Variants in HAS3 observed in about 807,000 individuals in gnomAD.
HAS3 encodes hyaluronan synthase 3.
A neutral mutation model predicts 50.3 loss-of-function variants in HAS3; 27 were observed. The observed-to-expected ratio is 0.54, with a 90% CI of 0.40 to 0.74. HAS3 has a LOEUF of 0.74. HAS3 is among the 30% of genes least tolerant of loss of function. The probability of loss-of-function intolerance (pLI) is 0.00; values close to 1 mark genes in which losing one functional copy is unlikely to be tolerated. For missense variants in HAS3, 517 were observed against 742.8 expected (o/e 0.70, Z 3.53); for synonymous variants, 339 against 310.9 (o/e 1.09, Z -0.95).
Position 69,117,351 on chromosome 16 carries a change from G to C in HAS3, c.*2085G>C. 1 of 985,760 alleles carries C rather than the reference G, an allele frequency of 1.0e-6. No homozygotes were observed. The highest frequency in any genetic ancestry group is 1.2e-6 in the Non-Finnish European group (1 of 829,884). 61.1% of individuals were successfully genotyped at this position (985,760 alleles called of 1,614,324 possible). On this transcript the variant is annotated 3_prime_UTR_variant, in exon 4 of 4. Transcript: ENST00000569188. ...ACTTTCCTCAAATCAAAAACAGGCAGGTACAGGTAGTGGGCTCACAACGTT... is the reference window on the plus strand; with the variant it reads ...ACTTTCCTCAAATCAAAAACAGGCACGTACAGGTAGTGGGCTCACAACGTT...
At chr16:69,110,069 T>C (rs768301385) in intron 2 of HAS3, 38 bp downstream of exon 2, 3 of 1,562,612 alleles carry the variant, frequency 1.9e-6, no homozygotes, top group African/African-American at 1.3e-5. Flanking sequence ...TACATGGGGA[T>C]AAGTCTGGAC....
At position 69,109,632 on chromosome 16, in the gene HAS3, G is replaced by T; in HGVS notation, c.237G>T (p.Leu79=). ...GACGTGCCGGCCAGGCCCTGAAGCT[G>T]CCCTCCCCGCGGCGGGGCTCGGTGG... ...RMRRAGQALK[L]PSPRRGSVAL... Residue 79 remains leucine, a synonymous_variant, in exon 2 of 4, where the codon CTG becomes CTT. Transcript: ENST00000569188. This position sits in a 1 kb window ranked among gnomAD's most constrained non-coding sequence, Gnocchi z 5.3. 6.2e-7 allele frequency: 1 copy of T among 1,610,970 alleles called. No individual in the cohort carries two copies.
Position 69,107,332 on chromosome 16 carries a change from G to A in HAS3, c.-1+1545G>A. The A allele has an allele frequency of 2.0e-6, 2 of 983,524 alleles. No homozygotes were observed. Among genetic ancestry groups the A allele is most frequent in the Non-Finnish European group, 2.4e-6 (2 of 828,224 alleles). The allele number at this position is 983,524 out of a possible 1,614,324, so 60.9% of individuals were successfully genotyped here. A position where few individuals can be genotyped will look rare whatever the true frequency, so the allele number is the denominator to read the frequency against. On this transcript the variant is annotated intron_variant, in intron 1 of 3. Coordinates refer to ENST00000569188, the MANE Select transcript of HAS3 (RefSeq NM_001199280.2). This position sits in a 1 kb window ranked among gnomAD's most constrained non-coding sequence, Gnocchi z 5.5. ...GGGAGGGGTCCCGCCCAGGGAAGGA[G>A]AGGGCCGGCTACACCGGGGATGCGC... is the stretch of plus-strand genomic sequence containing the variant.
rs747663884 is a variant in HAS3, at chr16:69,113,447, G to A, written c.643G>A (p.Asp215Asn). ...CGACGCACTCCCTCTGCAGGTGTGC[G>A]ACTCTGACACTGTGCTGGATCCAGC... ...GDSVDYIQVC[D>N]SDTVLDPACT... Residue 215 changes from aspartate to asparagine, a missense_variant, in exon 3 of 4, where the codon GAC becomes AAC. Transcript: ENST00000569188. 5 of 1,612,570 alleles carry A rather than the reference G, an allele frequency of 3.1e-6. No homozygotes were observed. The highest frequency in any genetic ancestry group is 4.2e-6 in the Non-Finnish European group (5 of 1,178,740).
At chr16:69,112,736 T>TGA (rs1961050716) in intron 2 of HAS3, among the ~76,000 whole-genome samples, 1 of 152,222 alleles carries the variant, frequency 6.6e-6, no homozygotes, top group African/African-American at 2.4e-5. Flanking sequence ...CAACTCATAA[T>TGA]GAGACCACCT....
Position 69,109,022 on chromosome 16 carries a change from T to C in HAS3, c.1-374T>C, listed in dbSNP as rs1354857542. ...CCCTTGAAGCTTACCTCTTCAGCGCTTTGGGCCAGGTAGAGCCCAGTTCTG... is the reference window on the plus strand; with the variant it reads ...CCCTTGAAGCTTACCTCTTCAGCGCCTTGGGCCAGGTAGAGCCCAGTTCTG... On this transcript the variant is annotated intron_variant, in intron 1 of 3. Coordinates refer to ENST00000569188, the MANE Select transcript of HAS3 (RefSeq NM_001199280.2). This position sits in a 1 kb window ranked among gnomAD's most constrained non-coding sequence, Gnocchi z 5.3. Among the ~76,000 whole-genome samples the C allele has an allele frequency of 6.6e-6, 1 of 152,178 alleles. No individual in the cohort carries two copies. The highest frequency in any genetic ancestry group is 1.9e-4 in the East Asian group (1 of 5,190).
intron 2 of HAS3, among the ~76,000 whole-genome samples, chr16:69,112,906 T>C (rs1419183932): frequency 6.6e-6 from 1 of 152,118 alleles, no homozygotes; most frequent in Non-Finnish European, 1.5e-5. Context: ...CAAGGGAGTC[T>C]GTTGAGGGCG....
At chr16:69,088,281 C>T in the HAS3 span, among the ~76,000 whole-genome samples, 2 of 151,956 alleles carry the variant, frequency 1.3e-5, no homozygotes, top group Non-Finnish European at 2.9e-5. Context: ...CAAGTGGGGC[C>T]GGGCACAGTG....
At position 69,115,335 on chromosome 16, in the gene HAS3, CAG is replaced by C; in HGVS notation, c.*70_*71del. The C allele has an allele frequency of 6.8e-7, 1 of 1,480,696 alleles. No individual in the cohort carries two copies. The highest frequency in any genetic ancestry group is 8.9e-7 in the Non-Finnish European group (1 of 1,121,278). The allele number at this position is 1,480,696 out of a possible 1,614,324, so 91.7% of individuals were successfully genotyped here. A position where few individuals can be genotyped will look rare whatever the true frequency, so the allele number is the denominator to read the frequency against. On this transcript the variant is annotated 3_prime_UTR_variant, in exon 4 of 4. Transcript: ENST00000569188. Reference sequence around the variant, plus strand: ...GGGAAGGGGAATGGAAGAGAAAAGACAGGGTGGGAGGGAGGAGGGAGTGCTGT... The same window carrying C: ...GGGAAGGGGAATGGAAGAGAAAAGACGGTGGGAGGGAGGAGGGAGTGCTGT...
At chr16:69,088,509 A>C in the HAS3 span, among the ~76,000 whole-genome samples, 1 of 149,902 alleles carries the variant, frequency 6.7e-6, no homozygotes, top group Non-Finnish European at 1.5e-5. Flanking sequence ...GCAGTGAGTG[A>C]GACTGTGCTA....
intron 2 of HAS3, among the ~76,000 whole-genome samples, chr16:69,112,584 C>T (rs149809713): frequency 6.6e-6 from 1 of 152,328 alleles, no homozygotes; most frequent in East Asian, 1.9e-4. Context: ...CTCTTTGTTG[C>T]TCTCCTAACA....
chr16:69,103,643 C>T (rs560706325), upstream of HAS3, among the ~76,000 whole-genome samples: 5 of 152,160 alleles, frequency 3.3e-5, no homozygotes, highest in African/African-American at 7.2e-5. Context: ...GTGATCCACC[C>T]GCCTCAGCCT....
downstream of HAS3, chr16:69,118,620 G>A (rs144556678): frequency 8.8e-4 from 619 of 705,710 alleles, 2 homozygotes; most frequent in African/African-American, 9.6e-3. Context: ...CTGGGAGGCT[G>A]GAGATCCTTT....
Position 69,116,633 on chromosome 16 carries a change from G to A in HAS3, c.*1367G>A, listed in dbSNP as rs76394256. ...GAAACCAAACTAGGAGATGAAACTGGTTCCTACATCCTAAGGTTCTTGCTT... is the reference window on the plus strand; with the variant it reads ...GAAACCAAACTAGGAGATGAAACTGATTCCTACATCCTAAGGTTCTTGCTT... On this transcript the variant is annotated 3_prime_UTR_variant, in exon 4 of 4. Transcript: ENST00000569188. 25,780 of 985,222 alleles carry A rather than the reference G, an allele frequency of 0.026. 348 individuals carry two copies. Among genetic ancestry groups the A allele is most frequent in the Non-Finnish European group, 0.028 (23,600 of 829,698 alleles). The allele number at this position is 985,222 out of a possible 1,614,324, so 61.0% of individuals were successfully genotyped here. A position where few individuals can be genotyped will look rare whatever the true frequency, so the allele number is the denominator to read the frequency against.
In HAS3 at chr16:69,115,703, T is replaced by C. The variant is rs1347369657; in HGVS notation, c.*437T>C. On this transcript the variant is annotated 3_prime_UTR_variant, in exon 4 of 4. Coordinates refer to ENST00000569188, the MANE Select transcript of HAS3 (RefSeq NM_001199280.2). ...GCAGGAGAATTTCTACTGAGCGAGCTGGGCCGGTTAGTGTATGTCACCCCC... is the reference window on the plus strand; with the variant it reads ...GCAGGAGAATTTCTACTGAGCGAGCCGGGCCGGTTAGTGTATGTCACCCCC... The C allele has an allele frequency of 1.0e-6, 1 of 990,584 alleles. No individual in the cohort carries two copies. Among genetic ancestry groups the C allele is most frequent in the Non-Finnish European group, 1.2e-6 (1 of 833,736 alleles). 61.4% of individuals were successfully genotyped at this position (990,584 alleles called of 1,614,324 possible).
chr16:69,087,486 T>C, the HAS3 span, among the ~76,000 whole-genome samples: 1 of 152,086 alleles, frequency 6.6e-6, no homozygotes, highest in African/African-American at 2.4e-5. Flanking sequence ...TTGCTCCTTA[T>C]CATCTCTCCA....
downstream of HAS3, chr16:69,118,456 G>C (rs968445391): frequency 6.3e-7 from 1 of 1,594,214 alleles, no homozygotes; most frequent in African/African-American, 1.3e-5. Context: ...TTTCTAGAGA[G>C]CAGTGAGCTG....
At chr16:69,110,992 C>T (rs1277533053) in intron 2 of HAS3, among the ~76,000 whole-genome samples, 2 of 151,940 alleles carry the variant, frequency 1.3e-5, no homozygotes, top group Non-Finnish European at 2.9e-5. Flanking sequence ...CTGATTAAAC[C>T]CTGCCCAGCT....
intron 2 of HAS3, among the ~76,000 whole-genome samples, chr16:69,112,576 C>T (rs2152258747): frequency 6.6e-6 from 1 of 152,346 alleles, no homozygotes; most frequent in South Asian, 2.1e-4. Flanking sequence ...CTGTGGATCT[C>T]TTTGTTGCTC....
Sources: allele counts gnomAD v4.1 joint callset (sites outside exome capture counted in the v4.1 genomes callset), GRCh38; gene constraint gnomAD v4.1.1; non-coding constraint Gnocchi (gnomAD v3.1); transcripts MANE v1.5; gene names NCBI Gene and HGNC (gene_info 2026-07-23, HGNC 2026-07-21).